The following PCOLCE2 variants were observed in gnomAD, a reference collection of about 807,000 sequenced individuals.
PCOLCE2 encodes procollagen C-endopeptidase enhancer 2.
A neutral mutation model predicts 47.0 loss-of-function variants in PCOLCE2; 42 were observed. That is an observed-to-expected ratio of 0.89 (90% confidence interval 0.70 to 1.16). The LOEUF (loss-of-function observed/expected upper bound fraction) is 1.16, where lower values mean the gene tolerates loss of function less well. Among genes scored for constraint, PCOLCE2 ranks in the 50% most tolerant of loss-of-function variants. The pLI is 0.00. For missense variants in PCOLCE2, 500 were observed against 526.1 expected (o/e 0.95, Z 0.49); for synonymous variants, 169 against 191.7 (o/e 0.88, Z 0.98).
At chr3:142,875,783 A>C (rs949358086) in intron 2 of PCOLCE2, among the ~76,000 whole-genome samples, 7 of 152,096 alleles carry the variant, frequency 4.6e-5, no homozygotes, top group African/African-American at 1.4e-4. Flanking sequence ...TTACTCATAA[A>C]AACAGACCCT....
At chr3:142,820,762 C>T in intron 8 of PCOLCE2, 116 bp downstream of exon 8, 1 of 831,368 alleles carries the variant, frequency 1.2e-6, no homozygotes, top group Non-Finnish European at 1.9e-6. Flanking sequence ...CTCCAAAGGC[C>T]TTCCTGCTCT....
At chr3:142,821,440 C>T (rs866445645) in intron 7 of PCOLCE2, among the ~76,000 whole-genome samples, 5 of 152,038 alleles carry the variant, frequency 3.3e-5, no homozygotes, top group Admixed American at 1.3e-4. Flanking sequence ...TAAAAGATTG[C>T]GCGATGGGGG....
Position 142,860,293 on chromosome 3 carries a change from C to T in PCOLCE2, c.193-11821G>A, listed in dbSNP as rs143982446. Among the ~76,000 whole-genome samples the T allele has an allele frequency of 1.0e-3, 156 of 152,240 alleles. 1 individual carries two copies. The highest frequency in any genetic ancestry group is 9.5e-3 in the South Asian group (46 of 4,826). On this transcript the variant is annotated intron_variant, in intron 2 of 8. Coordinates refer to ENST00000295992, the MANE Select transcript of PCOLCE2 (RefSeq NM_013363.4). ...TCACCTCTTTGCTTCCTGTTATTCCCCCTATTCCTCTGTCAAAAATTCTGG... is the reference window on the plus strand; with the variant it reads ...TCACCTCTTTGCTTCCTGTTATTCCTCCTATTCCTCTGTCAAAAATTCTGG...
At position 142,846,288 on chromosome 3, in the gene PCOLCE2, T is replaced by C. The variant is rs570948556; in HGVS notation, c.448+1929A>G. ...ATCTCGGCTCCCTGCAACCTCTGCC[T>C]GCAGGTTCAAGCGATTCTCCTGCCT... On this transcript the variant is annotated intron_variant, in intron 3 of 8. Coordinates refer to ENST00000295992, the MANE Select transcript of PCOLCE2 (RefSeq NM_013363.4). 1.2e-4 allele frequency among the ~76,000 whole-genome samples: 19 copies of C among 152,322 alleles called. No homozygotes were observed. In the South Asian group the frequency reaches 3.3e-3, roughly 27 times the overall value.
chr3:142,839,026 T>G (rs1054010598), intron 4 of PCOLCE2, 120 bp from the exon 5 acceptor site: 12 of 682,982 alleles, frequency 1.8e-5, no homozygotes, highest in Non-Finnish European at 2.4e-5. Flanking sequence ...AAAAAAAGTA[T>G]GCATTAAGTG....
chr3:142,863,746 A>G (rs1011048258), intron 2 of PCOLCE2: 5 of 152,156 alleles, frequency 3.3e-5, no homozygotes, highest in Non-Finnish European at 7.4e-5. Flanking sequence ...CCTCCCAACA[A>G]CCTAGCTAAC....
In PCOLCE2 at chr3:142,843,879, T is replaced by C. The variant is rs73864469; in HGVS notation, c.449-831A>G. 3.3e-3 allele frequency among the ~76,000 whole-genome samples: 503 copies of C among 152,286 alleles called. 3 individuals are homozygous for C. The highest frequency in any genetic ancestry group is 0.011 in the African/African-American group (474 of 41,564). On this transcript the variant is annotated intron_variant, in intron 3 of 8. Coordinates refer to ENST00000295992, the MANE Select transcript of PCOLCE2 (RefSeq NM_013363.4). ...AATCAAACTTCTAAATTTAAGATAA[T>C]GTATTATAAAAATGGAGGTTGGAAT...
At chr3:142,852,355 G>A (rs566810886) in intron 2 of PCOLCE2, among the ~76,000 whole-genome samples, 8 of 151,906 alleles carry the variant, frequency 5.3e-5, no homozygotes, top group African/African-American at 1.7e-4. Flanking sequence ...TTTCCACTTG[G>A]AGAATCTAGT....
intron 2 of PCOLCE2, among the ~76,000 whole-genome samples, chr3:142,862,321 T>C (rs1047766747): frequency 6.6e-6 from 1 of 152,172 alleles, no homozygotes; most frequent in African/African-American, 2.4e-5. Flanking sequence ...AATCGGCTTG[T>C]TTCCTACTGA....
Position 142,842,915 on chromosome 3 carries a change from G to A in PCOLCE2, c.573+9C>T. 1 of 1,613,824 alleles carries A rather than the reference G, an allele frequency of 6.2e-7. No homozygotes were observed. ...TGCATGCTTTCTTCACACTTCCAGG[G>A]AATCTCACCTGATTCTTTGGGGCTA... On this transcript the variant is annotated intron_variant, in intron 4 of 8. Transcript: ENST00000295992. This position sits in a 1 kb window ranked among gnomAD's most constrained non-coding sequence, Gnocchi z 4.1.
chr3:142,870,227 T>G (rs1021019616), intron 2 of PCOLCE2, among the ~76,000 whole-genome samples: 2 of 152,146 alleles, frequency 1.3e-5, no homozygotes, highest in African/African-American at 4.8e-5. Context: ...TCAAATCAAA[T>G]TAGGACCCAG....
rs781197401 is a variant in PCOLCE2 at position 142,848,264 on chromosome 3, C to G, written c.401G>C (p.Gly134Ala). 3.7e-6 allele frequency: 6 copies of G among 1,614,192 alleles called. No individual in the cohort carries two copies. In the Admixed American group the frequency reaches 8.3e-5, roughly 22 times the overall value. ...GGAGAACATGGCCATGAAGCCATTGCCAGCTGTGTTGGCATCAGAAATCAT... is the reference window on the plus strand; with the variant it reads ...GGAGAACATGGCCATGAAGCCATTGGCAGCTGTGTTGGCATCAGAAATCAT... ...VQMISDANTA[G>A]NGFMAMFSAA... The change falls in exon 3 of 9, where the codon GGC becomes GCC. Residue 134 changes from glycine to alanine, a missense_variant. By Grantham distance (60) the Gly-to-Ala change is moderately conservative (BLOSUM62 0). Transcript: ENST00000295992.
chr3:142,847,092 T>C (rs1937335766), intron 3 of PCOLCE2, among the ~76,000 whole-genome samples: 1 of 152,236 alleles, frequency 6.6e-6, no homozygotes, highest in Non-Finnish European at 1.5e-5. Context: ...AATAATTTTG[T>C]TCTAGCAGGC....
rs1936974771 is a variant in PCOLCE2, at chr3:142,818,407, T to C, written c.1176A>G (p.Pro392=). 1 of 1,613,526 alleles carries C rather than the reference T, an allele frequency of 6.2e-7. No homozygotes were observed. Among genetic ancestry groups the C allele is most frequent in the African/African-American group, 1.3e-5 (1 of 75,016 alleles). The change falls in exon 9 of 9, where the codon CCA becomes CCG. Residue 392 remains proline (P), a synonymous_variant. Coordinates refer to ENST00000295992, the MANE Select transcript of PCOLCE2 (RefSeq NM_013363.4). The part of the protein sequence containing the change: ...VGEDGRGKIM[P]NSFIMMFKTK... The stretch of plus-strand genomic sequence containing the variant: ...TCTTGAACATCATGATAAAGCTGTT[T>C]GGCATGATTTTGCCTCGCCCATCTT...
At chr3:142,835,525 G>C (rs554905543) in intron 5 of PCOLCE2, among the ~76,000 whole-genome samples, 134 of 152,112 alleles carry the variant, frequency 8.8e-4, no homozygotes, top group South Asian at 1.7e-3. Context: ...TAATTATTTA[G>C]TATAACACTT....
chr3:142,880,051 C>G (rs1244304388), intron 2 of PCOLCE2, among the ~76,000 whole-genome samples: 5 of 150,602 alleles, frequency 3.3e-5, no homozygotes, highest in Admixed American at 1.3e-4. Flanking sequence ...CCCCACCCCC[C>G]CAAAAAAAAC....
In PCOLCE2 at chr3:142,862,845, T is replaced by C. The variant is rs181998749; in HGVS notation, c.193-14373A>G. On this transcript the variant is annotated intron_variant, in intron 2 of 8. Coordinates refer to ENST00000295992, the MANE Select transcript of PCOLCE2 (RefSeq NM_013363.4). ...CATCATTTATACAAGAAATCTCAAA[T>C]TTTTCTAAATTTAGCATGTTTCCAA... is the stretch of plus-strand genomic sequence containing the variant. 3.4e-3 allele frequency among the ~76,000 whole-genome samples: 514 copies of C among 152,164 alleles called. 2 individuals are homozygous for C. Among genetic ancestry groups the C allele is most frequent in the African/African-American group, 0.011 (463 of 41,530 alleles).
chr3:142,826,467 T>C (rs551350812), intron 6 of PCOLCE2, among the ~76,000 whole-genome samples: 21 of 152,198 alleles, frequency 1.4e-4, no homozygotes, highest in Non-Finnish European at 2.6e-4. Flanking sequence ...GTGAGTCCTC[T>C]GGAGCCAGCC....
chr3:142,883,155 C>T (rs889159366), intron 2 of PCOLCE2, among the ~76,000 whole-genome samples: 16 of 142,826 alleles, frequency 1.1e-4, no homozygotes, highest in Admixed American at 2.2e-4. Flanking sequence ...AGCGAGATTG[C>T]GCCACTGCAC....
Sources: gnomAD v4.1 joint callset for allele counts (sites outside exome capture counted in the v4.1 genomes callset) on GRCh38, gnomAD v4.1.1 for gene constraint, Gnocchi (gnomAD v3.1) non-coding constraint, MANE v1.5 for transcripts, NCBI Gene and HGNC (gene_info 2026-07-23, HGNC 2026-07-21) for gene names.